Variants in CRY1 observed in about 807,000 individuals in gnomAD.
CRY1 encodes the protein cryptochrome circadian regulator 1.
Under a neutral mutation model 76.0 loss-of-function variants are expected in CRY1, and 45 were observed. The ratio of observed to expected loss-of-function variants is 0.59; its 90% confidence interval spans 0.47 to 0.76. CRY1 has a LOEUF of 0.76. Ranked by LOEUF, CRY1 falls within the 30% of genes least tolerant of loss-of-function variation. The pLI, the probability that CRY1 is intolerant of heterozygous loss-of-function variation, is 0.00. For missense variants in CRY1, 587 were observed against 716.4 expected (o/e 0.82, Z 2.06); for synonymous variants, 248 against 244.0 (o/e 1.02, Z -0.15).
intron 2 of CRY1, among the ~76,000 whole-genome samples, 165 bp from the exon 3 acceptor site, chr12:107,005,413 A>G (rs962176245): frequency 2.6e-5 from 4 of 152,328 alleles, no homozygotes; most frequent in Non-Finnish European, 2.9e-5. Flanking sequence ...AAAAATACAT[A>G]AGTAATGAAT....
intron 1 of CRY1, among the ~76,000 whole-genome samples, chr12:107,053,317 A>G (rs1952944092): frequency 6.6e-6 from 1 of 152,110 alleles, no homozygotes; most frequent in African/African-American, 2.4e-5. Flanking sequence ...ACACACGTAC[A>G]AATGTATTTT....
At chr12:107,040,745 C>A (rs1049733773) in intron 1 of CRY1, among the ~76,000 whole-genome samples, 2 of 151,824 alleles carry the variant, frequency 1.3e-5, no homozygotes, top group Non-Finnish European at 2.9e-5. Flanking sequence ...TAGGAACAAT[C>A]AAACCAAAAT....
intron 1 of CRY1, among the ~76,000 whole-genome samples, chr12:107,051,396 G>C (rs1952919065): frequency 6.6e-6 from 1 of 152,022 alleles, no homozygotes; most frequent in Non-Finnish European, 1.5e-5. Context: ...GCAGAAAATT[G>C]TATCTGAAGC....
At chr12:107,048,405 T>TG (rs766929679) in intron 1 of CRY1, among the ~76,000 whole-genome samples, 1 of 152,158 alleles carries the variant, frequency 6.6e-6, no homozygotes, top group Non-Finnish European at 1.5e-5. Context: ...TCCACATACT[T>TG]ATGGTTTCTA....
At position 106,999,681 on chromosome 12, in the gene CRY1, C is replaced by G; in HGVS notation, c.1007G>C (p.Gly336Ala). ...ALAKWAEGRT[G>A]FPWIDAIMTQ... is the part of the protein sequence containing the mutation. ...CATGATGGCATCAATCCATGGAAAG[C>G]CTGTCCGGCCTTCCGCCCATTTGGC... The change falls in exon 7 of 13, where the codon GGC becomes GCC. Residue 336 changes from glycine to alanine, a missense_variant. Gly to Ala is a moderately conservative substitution (Grantham distance 60, BLOSUM62 0). Transcript: ENST00000008527. 1 of 1,614,254 alleles carries G rather than the reference C, an allele frequency of 6.2e-7. No homozygotes were observed. Among genetic ancestry groups the G allele is most frequent in the Non-Finnish European group, 8.5e-7 (1 of 1,180,048 alleles).
Position 106,997,972 on chromosome 12 carries a change from T to A in CRY1, c.1232A>T (p.His411Leu), listed in dbSNP as rs1469738377. ...SCSSFFQQFFHCYCPVGFGRR... is the reference protein window; with the variant it reads ...SCSSFFQQFFLCYCPVGFGRR... Reference sequence around the variant, plus strand: ...ACCAAAACCAACAGGGCAATAGCAGTGAAAAAACTGTTGAAAAAAGGAACT... The same window carrying A: ...ACCAAAACCAACAGGGCAATAGCAGAGAAAAAACTGTTGAAAAAAGGAACT... The change falls in exon 8 of 13, where the codon CAC (histidine) becomes CTC (leucine). Residue 411 changes from histidine to leucine, a missense_variant. Coordinates refer to ENST00000008527, the MANE Select transcript of CRY1 (RefSeq NM_004075.5). The A allele has an allele frequency of 6.2e-7, 1 of 1,613,924 alleles. No individual in the cohort carries two copies. Among genetic ancestry groups the A allele is most frequent in the Non-Finnish European group, 8.5e-7 (1 of 1,179,966 alleles).
At chr12:107,073,707 C>A (rs1329695354) in intron 1 of CRY1, among the ~76,000 whole-genome samples, 1 of 152,040 alleles carries the variant, frequency 6.6e-6, no homozygotes, top group Non-Finnish European at 1.5e-5. Context: ...CCAGCCTGGG[C>A]GACCAATTGA....
intron 2 of CRY1, among the ~76,000 whole-genome samples, chr12:107,009,627 G>A (rs1442470950): frequency 2.2e-5 from 3 of 135,120 alleles, no homozygotes; most frequent in Non-Finnish European, 3.2e-5. Flanking sequence ...CCAGGTTCAC[G>A]GTCCGGTACG....
intron 1 of CRY1, among the ~76,000 whole-genome samples, chr12:107,081,660 G>A (rs1188635196): frequency 6.6e-6 from 1 of 152,056 alleles, no homozygotes; most frequent in African/African-American, 2.4e-5. Flanking sequence ...CTTCTCTTCA[G>A]GAAGGTACTA....
intron 1 of CRY1, among the ~76,000 whole-genome samples, chr12:107,082,763 C>T (rs1007864366): frequency 6.6e-6 from 1 of 151,922 alleles, no homozygotes; most frequent in African/African-American, 2.4e-5. Context: ...AAATCGACAC[C>T]CTAACATCAC....
intron 2 of CRY1, among the ~76,000 whole-genome samples, chr12:107,006,203 T>C (rs1952372817): frequency 6.6e-6 from 1 of 152,002 alleles, no homozygotes; most frequent in Admixed American, 6.6e-5. Context: ...CTGGCCAGCA[T>C]GGTGAAACCC....
chr12:107,021,553 C>T (rs1037858173), intron 2 of CRY1, among the ~76,000 whole-genome samples: 3 of 151,922 alleles, frequency 2.0e-5, no homozygotes, highest in Admixed American at 6.6e-5. Flanking sequence ...TCTGAAAGAC[C>T]GAGGAAATGA....
intron 1 of CRY1, among the ~76,000 whole-genome samples, chr12:107,030,508 T>C (rs1017155610): frequency 3.9e-5 from 6 of 152,220 alleles, no homozygotes; most frequent in Non-Finnish European, 8.8e-5. Flanking sequence ...ATACAGTTTT[T>C]GTCCTCAAGC....
rs186374552 is a variant in CRY1, at chr12:107,041,923, G to A, written c.159-19731C>T. Among the ~76,000 whole-genome samples, 88 of 152,236 alleles carry A rather than the reference G, an allele frequency of 5.8e-4. No homozygotes were observed. In the East Asian group the frequency reaches 0.014, roughly 24 times the overall value. On this transcript the variant is annotated intron_variant, in intron 1 of 12. Transcript: ENST00000008527. ...ACTCAACAGAGCAGTTGCTGATTCC[G>A]GGGCTGCGGAAAGGAAAACAGAAGA...
intron 1 of CRY1, among the ~76,000 whole-genome samples, chr12:107,088,204 T>G (rs1247879052): frequency 6.6e-6 from 1 of 152,176 alleles, no homozygotes; most frequent in African/African-American, 2.4e-5. Flanking sequence ...CCCTCATGAA[T>G]GGCTTGGTGC....
At position 107,072,656 on chromosome 12, in the gene CRY1, C is replaced by G. The variant is rs561652674; in HGVS notation, c.158+20148G>C. On this transcript the variant is annotated intron_variant, in intron 1 of 12. Transcript: ENST00000008527. ...AAAAGAAAAATATGAATTAATCACACTTGTGAATAGAGATGTCAAAGTTTC... is the reference window on the plus strand; with the variant it reads ...AAAAGAAAAATATGAATTAATCACAGTTGTGAATAGAGATGTCAAAGTTTC... Among the ~76,000 whole-genome samples, 36 of 152,320 alleles carry G rather than the reference C, an allele frequency of 2.4e-4. 1 individual carries two copies. The highest frequency in any genetic ancestry group is 8.7e-4 in the African/African-American group (36 of 41,574).
At chr12:107,049,141 G>A (rs1952885728) in intron 1 of CRY1, among the ~76,000 whole-genome samples, 1 of 152,024 alleles carries the variant, frequency 6.6e-6, no homozygotes, top group Non-Finnish European at 1.5e-5. Context: ...GCCTTTCAGG[G>A]GTTTCAACCA....
At chr12:107,014,596 ATTAGT>A (rs1277028613) in intron 2 of CRY1, among the ~76,000 whole-genome samples, 1 of 146,894 alleles carries the variant, frequency 6.8e-6, no homozygotes, top group African/African-American at 2.5e-5. Context: ...TCTACTAACT[ATTAGT>A]TTAATGTGTT....
At chr12:107,076,293 C>T (rs571544185) in intron 1 of CRY1, among the ~76,000 whole-genome samples, 3 of 151,694 alleles carry the variant, frequency 2.0e-5, no homozygotes, top group Non-Finnish European at 4.4e-5. Flanking sequence ...CCAATGGTGT[C>T]ACATAAGAGA....
Sources: allele counts gnomAD v4.1 joint callset (sites outside exome capture counted in the v4.1 genomes callset), GRCh38; gene constraint gnomAD v4.1.1; transcripts MANE v1.5; gene names NCBI Gene and HGNC (gene_info 2026-07-23, HGNC 2026-07-21).